Variants in COL5A3 observed in about 807,000 individuals in gnomAD.
The protein encoded by COL5A3 is collagen type V alpha 3 chain, also known as collagen alpha-3(V) chain.
Under a neutral mutation model 250.0 loss-of-function variants are expected in COL5A3, and 172 were observed. The ratio of observed to expected loss-of-function variants is 0.69; its 90% confidence interval spans 0.61 to 0.78. The LOEUF (loss-of-function observed/expected upper bound fraction) is 0.78, where lower values mean the gene tolerates loss of function less well. COL5A3 is among the 30% of genes least tolerant of loss of function. The pLI, the probability that COL5A3 is intolerant of heterozygous loss-of-function variation, is 0.00. For synonymous variants in COL5A3, 937 were observed against 900.4 expected (o/e 1.04, Z -0.73); for missense variants, 2,340 against 2,334.4 (o/e 1.00, Z -0.05).
At chr19:9,978,826 T>G in intron 40 of COL5A3, 65 bp downstream of exon 40, 12 of 748,162 alleles carry the variant, frequency 1.6e-5, no homozygotes, top group Non-Finnish European at 2.2e-5. Context: ...TCCCCATCCC[T>G]CCCCTGACCC....
At chr19:9,973,842 G>C in intron 48 of COL5A3, 33 bp from the exon 49 acceptor site, 1 of 1,612,146 alleles carries the variant, frequency 6.2e-7, no homozygotes, top group South Asian at 1.1e-5. Context: ...GAGTGGGACT[G>C]TGGAATCCCA....
Position 9,989,339 on chromosome 19 carries a change from C to G in COL5A3, c.2074G>C (p.Gly692Arg). ...LGHPGHEGPTGEKGAQGPPGS... is the reference protein window; with the variant it reads ...LGHPGHEGPTREKGAQGPPGS... ...TCACTCACCTGAGCCCCTTTCTCTC[C>G]CGTGGGGCCCTCATGTCCTGGGTGA... The change falls in exon 26 of 67, where the codon GGA becomes CGA. Residue 692 changes from glycine (G) to arginine (R), a missense_variant. Physicochemically the swap from Gly to Arg is moderately radical, Grantham distance 125 (BLOSUM62 -2). Around this residue, in one of 3 missense-constraint regions of COL5A3, gnomAD observed 1,152 missense variants for 1,146.3 expected, o/e 1.00. Transcript: ENST00000264828. 6.2e-7 allele frequency: 1 copy of G among 1,614,228 alleles called. No homozygotes were observed. The highest frequency in any genetic ancestry group is 8.5e-7 in the Non-Finnish European group (1 of 1,180,040).
chr19:9,961,210 T>G (rs1186153173), intron 65 of COL5A3, among the ~76,000 whole-genome samples: 1 of 152,128 alleles, frequency 6.6e-6, no homozygotes, highest in East Asian at 1.9e-4. Context: ...TCCACTCTTG[T>G]GAGTCGCTGG....
At position 9,998,364 on chromosome 19, in the gene COL5A3, G is replaced by C. The variant is rs564934408; in HGVS notation, c.1111-215C>G. The stretch of plus-strand genomic sequence containing the variant: ...TGCCATGCCAAGGTGAATGAAGAGC[G>C]TGAAATCCAGAGACTGCTGCCCAAT... On this transcript the variant is annotated intron_variant, in intron 8 of 66. Transcript: ENST00000264828. 2.6e-5 allele frequency among the ~76,000 whole-genome samples: 4 copies of C among 152,284 alleles called. 1 individual carries two copies. The South Asian group carries it at 8.3e-4, about 32-fold the overall frequency.
At chr19:10,003,456 A>G in intron 6 of COL5A3, 109 bp downstream of exon 6, 1 of 1,079,852 alleles carries the variant, frequency 9.3e-7, no homozygotes, top group Admixed American at 2.0e-5. Flanking sequence ...GGGACCAGAG[A>G]TTAGTAGAGA....
Position 9,995,630 on chromosome 19 carries a change from A to G in COL5A3, c.1534-13T>C, listed in dbSNP as rs2145127245. 1 of 1,565,914 alleles carries G rather than the reference A, an allele frequency of 6.4e-7. No individual in the cohort carries two copies. ...GGCCTCGGGGACCCTAGAAGAAAGC[A>G]AAAAGGAGGAAGGAAAGGAAAATAA... is the stretch of plus-strand genomic sequence containing the variant. On this transcript the variant is annotated splice_polypyrimidine_tract_variant and intron_variant, in intron 15 of 66. Transcript: ENST00000264828.
intron 29 of COL5A3, 29 bp from the exon 30 acceptor site, chr19:9,986,451 C>G: frequency 6.2e-7 from 1 of 1,610,572 alleles, no homozygotes; most frequent in Non-Finnish European, 8.5e-7. Flanking sequence ...TATTTAATAT[C>G]CATCTTTTGT....
intron 50 of COL5A3, 131 bp downstream of exon 50, chr19:9,973,438 TA>T: frequency 1.1e-6 from 1 of 895,744 alleles, no homozygotes; most frequent in Non-Finnish European, 1.7e-6. Flanking sequence ...TTCCTCAAGG[TA>T]ATCAGGGACG....
chr19:9,984,453 T>C (rs567771259), intron 31 of COL5A3, among the ~76,000 whole-genome samples: 183 of 152,322 alleles, frequency 1.2e-3, no homozygotes, highest in Non-Finnish European at 2.4e-3. Context: ...CAAACAAATG[T>C]TATGTTTTCA....
At chr19:10,003,988 G>T in intron 5 of COL5A3, 53 bp downstream of exon 5, 1 of 1,418,204 alleles carries the variant, frequency 7.1e-7, no homozygotes, top group Non-Finnish European at 1.0e-6. Context: ...TCTGGAGCCA[G>T]GAAGGACCCA....
chr19:9,967,960 G>A (rs2086777617), intron 60 of COL5A3, 21 bp from the exon 61 acceptor site: 4 of 1,610,986 alleles, frequency 2.5e-6, no homozygotes, highest in Non-Finnish European at 3.4e-6. Context: ...CAGACAGGGA[G>A]AGCTGAGGTC....
chr19:10,007,074 C>T (rs1568434957), intron 1 of COL5A3, among the ~76,000 whole-genome samples: 2 of 150,172 alleles, frequency 1.3e-5, no homozygotes, highest in African/African-American at 4.9e-5. Flanking sequence ...TGACCTCTTC[C>T]TTCTGACTTT....
At chr19:9,978,740 C>T in intron 40 of COL5A3, 113 bp from the exon 41 acceptor site, 2 of 932,124 alleles carry the variant, frequency 2.1e-6, no homozygotes, top group South Asian at 4.0e-5. Context: ...GGACACTGAG[C>T]TTTGAGGGGT....
intron 16 of COL5A3, among the ~76,000 whole-genome samples, chr19:9,994,094 C>T (rs560753823): frequency 3.9e-5 from 6 of 152,294 alleles, no homozygotes; most frequent in Middle Eastern, 3.4e-3. Context: ...CTCCTGAATG[C>T]AAGCGATCCA....
In COL5A3 at chr19:9,978,872, G is replaced by A; in HGVS notation, c.2964+19C>T. On this transcript the variant is annotated intron_variant, in intron 40 of 66. Transcript: ENST00000264828. ...TCCTTCTCTAAGGGACATGCAGGAG[G>A]GTCTCCAAAGATACTCACCGGGTCC... 2.8e-6 allele frequency: 4 copies of A among 1,421,480 alleles called. No homozygotes were observed. Among genetic ancestry groups the A allele is most frequent in the Non-Finnish European group, 3.7e-6 (4 of 1,076,144 alleles). The allele number at this position is 1,421,480 out of a possible 1,614,324, so 88.1% of individuals were successfully genotyped here.
chr19:9,991,046 C>T (rs1311491668), intron 24 of COL5A3, among the ~76,000 whole-genome samples: 1 of 152,048 alleles, frequency 6.6e-6, no homozygotes, highest in Non-Finnish European at 1.5e-5. Flanking sequence ...GCAACACAGG[C>T]AGACCCCATC....
chr19:10,001,300 C>T (rs1402024431), intron 8 of COL5A3, among the ~76,000 whole-genome samples: 4 of 151,736 alleles, frequency 2.6e-5, no homozygotes, highest in Admixed American at 1.3e-4. Context: ...CGCGCGCCAC[C>T]GCTCCCAGCT....
chr19:9,970,412 A>T (rs1599533793), intron 54 of COL5A3, among the ~76,000 whole-genome samples: 3 of 36,728 alleles, frequency 8.2e-5, no homozygotes, highest in African/African-American at 3.1e-4. Context: ...CTGTGGGGTG[A>T]GTGGGGGCTG....
intron 37 of COL5A3, 131 bp from the exon 38 acceptor site, chr19:9,979,548 G>A: frequency 1.1e-6 from 1 of 943,428 alleles, no homozygotes; most frequent in Non-Finnish European, 1.7e-6. Flanking sequence ...CCAGCACTTT[G>A]GGAGGCAGAG....
Sources: allele counts gnomAD v4.1 joint callset (sites outside exome capture counted in the v4.1 genomes callset), GRCh38; gene constraint gnomAD v4.1.1; regional missense constraint gnomAD v4.1.1; transcripts MANE v1.5; gene names NCBI Gene and HGNC (gene_info 2026-07-23, HGNC 2026-07-21).